The following PGAP1 variants were observed in gnomAD, a reference collection of about 807,000 sequenced individuals.
PGAP1 encodes post-GPI attachment to proteins inositol deacylase 1, also known as GPI inositol-deacylase.
In PGAP1, 76 loss-of-function variants were observed where a neutral mutation model predicts 127.0. That is an observed-to-expected ratio of 0.60 (90% CI 0.50 to 0.72). The LOEUF is 0.72. Among genes scored for constraint, PGAP1 ranks in the 30% least tolerant of loss-of-function variants. PGAP1 has a pLI of 0.00. For synonymous variants in PGAP1, 362 were observed against 366.5 expected (o/e 0.99, Z 0.14); for missense variants, 982 against 1,071.3 (o/e 0.92, Z 1.16).
chr2:196,851,162 T>A lies in PGAP1; in HGVS notation c.1862-3125A>T, dbSNP rs573766352. On this transcript the variant is annotated intron_variant, in intron 20 of 26. Transcript: ENST00000354764. Reference sequence around the variant, plus strand: ...GGAGTCACTGTTTTTTTGTTTTTTTTAAAAAAAACAAAAAAATAAAAAAAC... The same window carrying A: ...GGAGTCACTGTTTTTTTGTTTTTTTAAAAAAAAACAAAAAAATAAAAAAAC... Among the ~76,000 whole-genome samples, 644 of 150,306 alleles carry A rather than the reference T, an allele frequency of 4.3e-3. 5 individuals are homozygous for A. Among genetic ancestry groups the A allele is most frequent in the African/African-American group, 0.013 (527 of 40,852 alleles).
chr2:196,912,759 G>A (rs1702873144), intron 4 of PGAP1, 123 bp downstream of exon 4: 3 of 784,548 alleles, frequency 3.8e-6, no homozygotes, highest in South Asian at 6.1e-5. Flanking sequence ...GTGCTGATTT[G>A]CAACTGAGTT....
rs753780287 is a variant in PGAP1 at position 196,865,031 on chromosome 2, A to G, written c.1817T>C (p.Ile606Thr). 8 of 1,573,090 alleles carry G rather than the reference A, an allele frequency of 5.1e-6. No individual in the cohort carries two copies. In the African/African-American group the frequency reaches 1.1e-4, roughly 22 times the overall value. The change falls in exon 20 of 27, where the codon ATC becomes ACC. Residue 606 changes from isoleucine to threonine, a missense_variant. Coordinates refer to ENST00000354764, the MANE Select transcript of PGAP1 (RefSeq NM_024989.4). ...GALPAYVVSN[I>T]LLAYRGQLYS... ...TAACTGTCCTCTATAAGCAAGAAGG[A>G]TATTAGATACGACATAAGCAGGAAG...
chr2:196,876,975 A>G (rs931289546), intron 13 of PGAP1, among the ~76,000 whole-genome samples: 6 of 152,126 alleles, frequency 3.9e-5, no homozygotes, highest in Admixed American at 3.3e-4. Flanking sequence ...GAACAGGATT[A>G]CTCATTACAT....
At chr2:196,899,022 C>T (rs557769658) in intron 5 of PGAP1, among the ~76,000 whole-genome samples, 6 of 152,180 alleles carry the variant, frequency 3.9e-5, no homozygotes, top group African/African-American at 1.4e-4. Flanking sequence ...TTGCAGAGGG[C>T]TTCCTAACAA....
At position 196,841,017 on chromosome 2, in the gene PGAP1, C is replaced by A. The variant is rs1355680162; in HGVS notation, c.*217G>T. On this transcript the variant is annotated 3_prime_UTR_variant, in exon 27 of 27. Transcript: ENST00000354764. ...ACCATATATCCCTTCATGAATTTTT[C>A]AAAAATGATTACTACATGGATTCCA... is the stretch of plus-strand genomic sequence containing the variant. The A allele has an allele frequency of 1.2e-5, 6 of 491,296 alleles. No individual in the cohort carries two copies. The highest frequency in any genetic ancestry group is 2.1e-5 in the Non-Finnish European group (6 of 283,018). The allele number at this position is 491,296 out of a possible 1,614,324, so 30.4% of individuals were successfully genotyped here.
In PGAP1 at chr2:196,834,441, T is replaced by C. The variant is rs1700182042; in HGVS notation, c.*6793A>G. The C allele has an allele frequency of 6.6e-6, 1 of 152,426 alleles. No homozygotes were observed. 9.4% of individuals were successfully genotyped at this position (152,426 alleles called of 1,614,324 possible). A position where few individuals can be genotyped will look rare whatever the true frequency, so the allele number is the denominator to read the frequency against. On this transcript the variant is annotated 3_prime_UTR_variant, in exon 27 of 27. Coordinates refer to ENST00000354764, the MANE Select transcript of PGAP1 (RefSeq NM_024989.4). ...GTACAGTTATAAAATTGCAGGGCAC[T>C]CTTTATCATTTCAAGGCACACTCTG...
intron 12 of PGAP1, among the ~76,000 whole-genome samples, chr2:196,882,647 G>A (rs1322650347): frequency 6.6e-6 from 1 of 151,910 alleles, no homozygotes; most frequent in Non-Finnish European, 1.5e-5. Context: ...TTTGGCTCTT[G>A]GCTTGACTGT....
In PGAP1 at chr2:196,917,381, C is replaced by T. The variant is rs575069066; in HGVS notation, c.302-788G>A. On this transcript the variant is annotated intron_variant, in intron 2 of 26. Coordinates refer to ENST00000354764, the MANE Select transcript of PGAP1 (RefSeq NM_024989.4). ...ACTCACTATATAAAACTGTAAAATT[C>T]GATGGTTTTTAGTATATTCACCATC... Among the ~76,000 whole-genome samples the T allele has an allele frequency of 1.8e-4, 28 of 152,176 alleles. No individual in the cohort carries two copies. The South Asian group carries it at 5.0e-3, about 27-fold the overall frequency.
chr2:196,844,696 A>T (rs1173103609), intron 23 of PGAP1, 122 bp from the exon 24 acceptor site: 1 of 616,668 alleles, frequency 1.6e-6, no homozygotes, highest in Admixed American at 3.7e-5. Flanking sequence ...CCAAAAAGTC[A>T]TTTAAACATT....
At chr2:196,880,428 AATT>A (rs1200809907) in intron 12 of PGAP1, among the ~76,000 whole-genome samples, 1 of 152,072 alleles carries the variant, frequency 6.6e-6, no homozygotes, top group East Asian at 1.9e-4. Flanking sequence ...CATTAAATTT[AATT>A]ATTATCTATA....
Position 196,893,221 on chromosome 2 carries a change from G to A in PGAP1, c.952C>T (p.Leu318=), listed in dbSNP as rs1318018081. The change falls in exon 8 of 27, where the codon CTG becomes TTG. Residue 318 remains leucine (L), a synonymous_variant. Coordinates refer to ENST00000354764, the MANE Select transcript of PGAP1 (RefSeq NM_024989.4). The part of the protein sequence containing the change: ...KQITQNSKKK[L]SVLYHHFIRH... ...ATAAAGTGGTGATACAAAACTGACA[G>A]TTTCTTCTTGGAATTTTGAGTTATC... 1 of 1,591,588 alleles carries A rather than the reference G, an allele frequency of 6.3e-7. No individual in the cohort carries two copies. Among genetic ancestry groups the A allele is most frequent in the Admixed American group, 1.7e-5 (1 of 59,066 alleles).
Position 196,841,380 on chromosome 2 carries a change from G to A in PGAP1, c.2631-8C>T. ...GTAGTCTTCAACAATTTACTGTAAA[G>A]AGACAGAGAAATATACATTACTTAT... On this transcript the variant is annotated splice_polypyrimidine_tract_variant and splice_region_variant and intron_variant, in intron 26 of 26. Transcript: ENST00000354764. 1.9e-6 allele frequency: 3 copies of A among 1,608,356 alleles called. No homozygotes were observed. The highest frequency in any genetic ancestry group is 1.7e-6 in the Non-Finnish European group (2 of 1,176,336).
chr2:196,852,689 G>A (rs997111922), intron 20 of PGAP1, among the ~76,000 whole-genome samples: 2 of 152,086 alleles, frequency 1.3e-5, no homozygotes, highest in African/African-American at 2.4e-5. Context: ...GAACCAGTAA[G>A]TAAGAGAGAG....
chr2:196,916,450 C>T lies in PGAP1; in HGVS notation c.445G>A (p.Glu149Lys), dbSNP rs975206679. 7.4e-6 allele frequency: 12 copies of T among 1,612,564 alleles called. No individual in the cohort carries two copies. Among genetic ancestry groups the T allele is most frequent in the Non-Finnish European group, 1.0e-5 (12 of 1,179,468 alleles). ...AGTTTGAGAATTGTTTTAATACATTCATGTACAAACTTGGTCTGCTTCTGA... is the reference window on the plus strand; with the variant it reads ...AGTTTGAGAATTGTTTTAATACATTTATGTACAAACTTGGTCTGCTTCTGA... The part of the protein sequence containing the change: ...SLQKQTKFVH[E>K]CIKTILKLYK... The change falls in exon 3 of 27, where the codon GAA becomes AAA. Residue 149 changes from glutamate to lysine, a missense_variant. Transcript: ENST00000354764.
chr2:196,918,337 G>C (rs1703080142), intron 2 of PGAP1, among the ~76,000 whole-genome samples: 1 of 152,090 alleles, frequency 6.6e-6, no homozygotes, highest in Admixed American at 6.6e-5. Flanking sequence ...TTACACTCTT[G>C]GGTATCTAGC....
intron 12 of PGAP1, among the ~76,000 whole-genome samples, chr2:196,882,029 G>A (rs924333592): frequency 1.3e-5 from 2 of 152,100 alleles, no homozygotes; most frequent in African/African-American, 4.8e-5. Context: ...TTTTGTATAT[G>A]GTGTAAAGAA....
chr2:196,846,102 C>G (rs1017144850), intron 22 of PGAP1, 85 bp from the exon 23 acceptor site: 5 of 759,448 alleles, frequency 6.6e-6, no homozygotes, highest in Non-Finnish European at 7.7e-6. Context: ...ATAGTACCCT[C>G]CCAGTCTCTC....
At chr2:196,851,435 ATCC>A (rs984850382) in intron 20 of PGAP1, among the ~76,000 whole-genome samples, 3 of 152,146 alleles carry the variant, frequency 2.0e-5, no homozygotes, top group African/African-American at 7.2e-5. Context: ...CAATTATGTA[ATCC>A]TCCTCATTTT....
rs62185194 is a variant in PGAP1 at position 196,922,241 on chromosome 2, G to T, written c.148-2091C>A. The T allele has an allele frequency of 3.2e-5, 40 of 1,237,090 alleles. No homozygotes were observed. In the East Asian group the frequency reaches 1.9e-3, roughly 59 times the overall value. 76.6% of individuals were successfully genotyped at this position (1,237,090 alleles called of 1,614,324 possible). The stretch of plus-strand genomic sequence containing the variant: ...ATAAACTCCCAGGTAATAGAAAAAT[G>T]CTGATTTAAGAAACTAAAATATCTA... On this transcript the variant is annotated intron_variant, in intron 1 of 26. Transcript: ENST00000354764.
Sources: allele counts gnomAD v4.1 joint callset (sites outside exome capture counted in the v4.1 genomes callset), GRCh38; gene constraint gnomAD v4.1.1; transcripts MANE v1.5; gene names NCBI Gene and HGNC (gene_info 2026-07-23, HGNC 2026-07-21).